The following PUS10 variants were observed in gnomAD, a reference collection of about 807,000 sequenced individuals.
PUS10 encodes the protein tRNA pseudouridine synthase Pus10.
PUS10 carries 59 observed loss-of-function variants against 75.0 expected under a neutral mutation model. The observed-to-expected ratio is 0.79, with a 90% CI of 0.64 to 0.98. The LOEUF (loss-of-function observed/expected upper bound fraction) is 0.98, where lower values mean the gene tolerates loss of function less well. Among genes scored for constraint, PUS10 ranks in the 50% least tolerant of loss-of-function variants. PUS10 has a pLI of 0.00. For missense variants in PUS10, 650 were observed against 614.4 expected (o/e 1.06, Z -0.61); for synonymous variants, 219 against 211.6 (o/e 1.03, Z -0.30).
At position 60,947,174 on chromosome 2, in the gene PUS10, G is replaced by A. The variant is rs571172893; in HGVS notation, c.1451+869C>T. On this transcript the variant is annotated intron_variant, in intron 16 of 17. Coordinates refer to ENST00000316752, the MANE Select transcript of PUS10 (RefSeq NM_144709.4). ...CAAAGCTCTTTGCAGTCTGAAAATG[G>A]TGCTAACTAACTAATGATATGTCAT... 3.9e-5 allele frequency among the ~76,000 whole-genome samples: 6 copies of A among 152,160 alleles called. No individual in the cohort carries two copies. The East Asian group carries it at 1.2e-3, about 29-fold the overall frequency.
intron 4 of PUS10, among the ~76,000 whole-genome samples, chr2:60,991,157 G>A (rs1678049900): frequency 1.3e-5 from 2 of 152,120 alleles, no homozygotes; most frequent in South Asian, 4.1e-4. Context: ...GGGATTACAG[G>A]CATGAGTCCC....
At chr2:60,985,404 T>C (rs1437595866) in intron 4 of PUS10, among the ~76,000 whole-genome samples, 1 of 152,196 alleles carries the variant, frequency 6.6e-6, no homozygotes, top group Non-Finnish European at 1.5e-5. Context: ...ACAGTTTCTA[T>C]TTTTGGGATG....
At chr2:60,983,966 G>T (rs773950831) in intron 4 of PUS10, among the ~76,000 whole-genome samples, 5 of 149,898 alleles carry the variant, frequency 3.3e-5, no homozygotes, top group Non-Finnish European at 5.9e-5. Flanking sequence ...AATAGCCAAA[G>T]AAAAAAAATT....
intron 3 of PUS10, among the ~76,000 whole-genome samples, chr2:61,007,543 CG>C (rs1290254998): frequency 3.3e-5 from 5 of 151,394 alleles, no homozygotes; most frequent in Non-Finnish European, 7.4e-5. Context: ...CCAAGTCAGG[CG>C]GATCACCTGA....
chr2:61,002,778 A>G (rs1678937549), intron 4 of PUS10, among the ~76,000 whole-genome samples: 1 of 152,250 alleles, frequency 6.6e-6, no homozygotes, highest in South Asian at 2.1e-4. Flanking sequence ...TAAGGTATTT[A>G]TTACTCTCTT....
intron 4 of PUS10, among the ~76,000 whole-genome samples, chr2:60,973,430 C>G (rs1331528324): frequency 2.0e-5 from 3 of 152,274 alleles, no homozygotes; most frequent in African/African-American, 7.2e-5. Flanking sequence ...CTCCCAGTGC[C>G]TGCACCAATC....
At chr2:61,014,833 G>A (rs1679863951) in intron 1 of PUS10, among the ~76,000 whole-genome samples, 1 of 152,206 alleles carries the variant, frequency 6.6e-6, no homozygotes. Context: ...CTTCTAGTCT[G>A]CGTTTTCCAA....
chr2:60,993,320 G>A (rs1678233727), intron 4 of PUS10, among the ~76,000 whole-genome samples: 1 of 152,012 alleles, frequency 6.6e-6, no homozygotes, highest in African/African-American at 2.4e-5. Context: ...AGCCAGGTGT[G>A]GCGGCACATG....
At chr2:61,007,215 G>GT (rs758807191) in intron 3 of PUS10, among the ~76,000 whole-genome samples, 200 of 144,510 alleles carry the variant, frequency 1.4e-3, no homozygotes, top group African/African-American at 1.6e-3. Context: ...GTAGGCTTTT[G>GT]TTTTTTTTTT....
At position 60,965,047 on chromosome 2, in the gene PUS10, C is replaced by T. The variant is rs753243621; in HGVS notation, c.723+11G>A. 11 of 1,612,862 alleles carry T rather than the reference C, an allele frequency of 6.8e-6. No individual in the cohort carries two copies. The highest frequency in any genetic ancestry group is 9.3e-6 in the Non-Finnish European group (11 of 1,179,288). ...CTCACTCAAGACTAAGAAGCGGGAA[C>T]CTTTCCTTACCTGTTTGTTTTTGGC... On this transcript the variant is annotated intron_variant, in intron 8 of 17. Coordinates refer to ENST00000316752, the MANE Select transcript of PUS10 (RefSeq NM_144709.4).
chr2:60,942,498 G>T, intron 17 of PUS10, 65 bp from the exon 18 acceptor site: 1 of 1,275,742 alleles, frequency 7.8e-7, no homozygotes, highest in Non-Finnish European at 1.1e-6. Flanking sequence ...TGCTGGTAAT[G>T]CTGTATAAAT....
chr2:60,952,239 C>T (rs955735034), intron 15 of PUS10, among the ~76,000 whole-genome samples: 1 of 149,128 alleles, frequency 6.7e-6, no homozygotes, highest in Non-Finnish European at 1.5e-5. Flanking sequence ...GAGGCTGAGG[C>T]AGGAGAATCG....
chr2:60,955,063 A>C lies in PUS10; in HGVS notation c.1012T>G (p.Ser338Ala). Residue 338 changes from serine to alanine, a missense_variant, in exon 12 of 18, where the codon TCA (serine) becomes GCA (alanine). By Grantham distance (99) the Ser-to-Ala change is moderately conservative (BLOSUM62 1). Coordinates refer to ENST00000316752, the MANE Select transcript of PUS10 (RefSeq NM_144709.4). The part of the protein sequence containing the change: ...AVFKAESFNF[S>A]SSGREDVDVR... Reference sequence around the variant, plus strand: ...TCTACATCTTCTCTTCCAGAGGATGAAAAATTAAAACCTTTGAAAAGCAGA... The same window carrying C: ...TCTACATCTTCTCTTCCAGAGGATGCAAAATTAAAACCTTTGAAAAGCAGA... The C allele has an allele frequency of 6.3e-7, 1 of 1,595,136 alleles. No individual in the cohort carries two copies. The highest frequency in any genetic ancestry group is 8.5e-7 in the Non-Finnish European group (1 of 1,171,090).
intron 4 of PUS10, among the ~76,000 whole-genome samples, chr2:60,994,403 C>A (rs1259531772): frequency 1.3e-5 from 2 of 150,440 alleles, no homozygotes; most frequent in Non-Finnish European, 3.0e-5. Flanking sequence ...AAAAGGAAGT[C>A]AAAAATAGCT....
chr2:60,965,684 A>G (rs1425024341), intron 6 of PUS10, 200 bp from the exon 7 acceptor site: 1 of 429,598 alleles, frequency 2.3e-6, no homozygotes, highest in African/African-American at 2.1e-5. Context: ...TTAACTTCTA[A>G]AACTCAGTCA....
At chr2:60,995,187 C>T (rs190216364) in intron 4 of PUS10, among the ~76,000 whole-genome samples, 2 of 152,306 alleles carry the variant, frequency 1.3e-5, no homozygotes, top group Non-Finnish European at 2.9e-5. Flanking sequence ...ATTTCATCAT[C>T]TGTAAAATGG....
intron 11 of PUS10, among the ~76,000 whole-genome samples, chr2:60,956,844 G>A (rs1183988769): frequency 2.0e-5 from 3 of 151,496 alleles, no homozygotes; most frequent in African/African-American, 4.9e-5. Flanking sequence ...GTGTGGTGGC[G>A]TGTGCCTGTA....
chr2:61,017,838 G>A (rs1680113384), intron 1 of PUS10, 170 bp downstream of exon 1: 2 of 1,550,534 alleles, frequency 1.3e-6, no homozygotes, highest in Non-Finnish European at 1.7e-6. Flanking sequence ...ACCAGGACCG[G>A]GCCCCACTTT....
At chr2:60,986,920 G>A (rs898769799) in intron 4 of PUS10, among the ~76,000 whole-genome samples, 1 of 152,156 alleles carries the variant, frequency 6.6e-6, no homozygotes, top group Non-Finnish European at 1.5e-5. Flanking sequence ...GGAAAAAAGA[G>A]GTTTCTTGTA....
Sources: gnomAD v4.1 joint callset for allele counts (sites outside exome capture counted in the v4.1 genomes callset) on GRCh38, gnomAD v4.1.1 for gene constraint, MANE v1.5 for transcripts, NCBI Gene and HGNC (gene_info 2026-07-23, HGNC 2026-07-21) for gene names.